The following FOXL1 variants were observed in gnomAD, a reference collection of about 807,000 sequenced individuals.
FOXL1 encodes forkhead box protein L1.
A neutral mutation model predicts 1.7 loss-of-function variants in FOXL1; 2 were observed. The ratio of observed to expected loss-of-function variants is 1.21; its 90% confidence interval spans 0.49 to 3.80. The LOEUF is 3.80. Among genes scored for constraint, FOXL1 ranks in the 30% most tolerant of loss-of-function variants. The pLI, the probability that FOXL1 is intolerant of heterozygous loss-of-function variation, is 0.07. For synonymous variants in FOXL1, 280 were observed against 229.3 expected, an observed-to-expected ratio of 1.22 and a Z score of -2.00; for missense variants, 565 against 495.8, an observed-to-expected ratio of 1.14 and a Z score of -1.32.
At position 86,579,225 on chromosome 16, in the gene FOXL1, G is replaced by T; in HGVS notation, c.502G>T (p.Ala168Ser). 1 of 1,541,390 alleles carries T rather than the reference G, an allele frequency of 6.5e-7. No homozygotes were observed. Among genetic ancestry groups the T allele is most frequent in the Non-Finnish European group, 8.7e-7 (1 of 1,146,446 alleles). ...CGAGACGCACCAGCGCAGCGCGGAG[G>T]CGCAGCCGGAGGCGGGGAGCGGGGC... ...RAETHQRSAEAQPEAGSGAGG... is the reference protein window; with the variant it reads ...RAETHQRSAESQPEAGSGAGG... Residue 168 changes from alanine to serine, a missense_variant, in exon 1 of 1, where the codon GCG (alanine) becomes TCG (serine). By Grantham distance (99) the Ala-to-Ser change is moderately conservative. Coordinates refer to ENST00000320241, the MANE Select transcript of FOXL1 (RefSeq NM_005250.3).
Position 86,582,953 on chromosome 16 carries a change from G to T in FOXL1, c.*3192G>T, listed in dbSNP as rs1297695599. ...ACATCGCGGAAGACACCCGCTTTGA[G>T]AACTTTTCCCTCCGTTCACAAGGAC... On this transcript the variant is annotated 3_prime_UTR_variant, in exon 1 of 1. Coordinates refer to ENST00000320241, the MANE Select transcript of FOXL1 (RefSeq NM_005250.3). Among the ~76,000 whole-genome samples the T allele has an allele frequency of 6.6e-6, 1 of 150,766 alleles. No individual in the cohort carries two copies.
At position 86,580,563 on chromosome 16, in the gene FOXL1, T is replaced by A. The variant is rs1400803078; in HGVS notation, c.*802T>A. 1 of 166,640 alleles carries A rather than the reference T, an allele frequency of 6.0e-6. No individual in the cohort carries two copies. The highest frequency in any genetic ancestry group is 1.5e-5 in the Non-Finnish European group (1 of 68,134). 10.3% of individuals were successfully genotyped at this position (166,640 alleles called of 1,614,324 possible). ...AAGAAAGTGCACTCTATATAACATCTTCTTGCATTACGATAGCTCATTAGC... is the reference window on the plus strand; with the variant it reads ...AAGAAAGTGCACTCTATATAACATCATCTTGCATTACGATAGCTCATTAGC... On this transcript the variant is annotated 3_prime_UTR_variant, in exon 1 of 1. Transcript: ENST00000320241.
At position 86,582,526 on chromosome 16, in the gene FOXL1, C is replaced by A. The variant is rs1033684825; in HGVS notation, c.*2765C>A. On this transcript the variant is annotated 3_prime_UTR_variant, in exon 1 of 1. Transcript: ENST00000320241. ...TTCAAGCCCTGATTACACACACACACAAACAAATACCCACACACATATGAG... is the reference window on the plus strand; with the variant it reads ...TTCAAGCCCTGATTACACACACACAAAAACAAATACCCACACACATATGAG... 6.6e-6 allele frequency among the ~76,000 whole-genome samples: 1 copy of A among 152,058 alleles called. No homozygotes were observed. The highest frequency in any genetic ancestry group is 1.5e-5 in the Non-Finnish European group (1 of 68,020).
rs769091297 is a variant in FOXL1 at position 86,578,962 on chromosome 16, T to C, written c.239T>C (p.Met80Thr). 1 of 1,614,180 alleles carries C rather than the reference T, an allele frequency of 6.2e-7. No individual in the cohort carries two copies. Residue 80 changes from methionine to threonine, a missense_variant, in exon 1 of 1, where the codon ATG (methionine) becomes ACG (threonine). Transcript: ENST00000320241. ...VTLNGIYQFIMDRFPFYHDNR... is the reference protein window; with the variant it reads ...VTLNGIYQFITDRFPFYHDNR... ...CTCAACGGCATCTACCAGTTCATCA[T>C]GGACCGCTTCCCCTTCTACCACGAC...
At position 86,581,838 on chromosome 16, in the gene FOXL1, A is replaced by G. The variant is rs567679954; in HGVS notation, c.*2077A>G. 1.2e-5 allele frequency: 2 copies of G among 162,204 alleles called. No homozygotes were observed. The highest frequency in any genetic ancestry group is 4.1e-4 in the South Asian group (2 of 4,822). The allele number at this position is 162,204 out of a possible 1,614,324, so 10.0% of individuals were successfully genotyped here. ...GGGGTAAACACACAGATGGAGGGGA[A>G]GGAGTGGAGAGGATGCCGGGCCCAG... is the stretch of plus-strand genomic sequence containing the variant. On this transcript the variant is annotated 3_prime_UTR_variant, in exon 1 of 1. Coordinates refer to ENST00000320241, the MANE Select transcript of FOXL1 (RefSeq NM_005250.3).
At position 86,579,143 on chromosome 16, in the gene FOXL1, C is replaced by T. The variant is rs1393095063; in HGVS notation, c.420C>T (p.Arg140=). Residue 140 remains arginine (R), a synonymous_variant, in exon 1 of 1, where the codon CGC becomes CGT. Transcript: ENST00000320241. ...TGTTTGAGAACGGCAACTACCGGCG[C>T]CGGAAGAGGAAGCCCAAGCCGGGCC... is the stretch of plus-strand genomic sequence containing the variant. The part of the protein sequence containing the change: ...LDMFENGNYR[R]RKRKPKPGPG... 6.2e-7 allele frequency: 1 copy of T among 1,613,224 alleles called. No homozygotes were observed. Among genetic ancestry groups the T allele is most frequent in the East Asian group, 2.2e-5 (1 of 44,842 alleles).
Position 86,579,023 on chromosome 16 carries a change from C to T in FOXL1, c.300C>T (p.Asn100=), listed in dbSNP as rs1231197193. Residue 100 remains asparagine, a synonymous_variant, in exon 1 of 1, where the codon AAC becomes AAT. Coordinates refer to ENST00000320241, the MANE Select transcript of FOXL1 (RefSeq NM_005250.3). ...RQGWQNSIRH[N]LSLNDCFVKV... ...GCTGGCAGAACAGCATCCGCCACAA[C>T]CTCTCGCTCAACGACTGCTTCGTCA... 1.9e-6 allele frequency: 3 copies of T among 1,614,024 alleles called. No homozygotes were observed. Among genetic ancestry groups the T allele is most frequent in the African/African-American group, 1.3e-5 (1 of 74,938 alleles).
chr16:86,580,976 A>G lies in FOXL1; in HGVS notation c.*1215A>G, dbSNP rs1469299533. 6.0e-6 allele frequency: 1 copy of G among 166,530 alleles called. No individual in the cohort carries two copies. The highest frequency in any genetic ancestry group is 1.5e-5 in the Non-Finnish European group (1 of 68,050). The allele number at this position is 166,530 out of a possible 1,614,324, so 10.3% of individuals were successfully genotyped here. A position where few individuals can be genotyped will look rare whatever the true frequency, so the allele number is the denominator to read the frequency against. On this transcript the variant is annotated 3_prime_UTR_variant, in exon 1 of 1. Coordinates refer to ENST00000320241, the MANE Select transcript of FOXL1 (RefSeq NM_005250.3). ...TCTCCCAGACACTCCTGGCCCCCGC[A>G]CCCCCTGCAGCCGCCCGCTCTTCCC...
At position 86,579,068 on chromosome 16, in the gene FOXL1, G is replaced by T. The variant is rs371951781; in HGVS notation, c.345G>T (p.Gly115=). 66 of 1,613,988 alleles carry T rather than the reference G, an allele frequency of 4.1e-5. No individual in the cohort carries two copies. Among genetic ancestry groups the T allele is most frequent in the Non-Finnish European group, 5.2e-5 (61 of 1,179,982 alleles). The change falls in exon 1 of 1, where the codon GGG becomes GGT. Residue 115 remains glycine, a synonymous_variant. Transcript: ENST00000320241. ...DCFVKVPREK[G]RPGKGSYWTL... ...TCGTCAAGGTGCCCCGCGAGAAAGG[G>T]CGGCCGGGCAAGGGCAGCTACTGGA...
In FOXL1 at chr16:86,581,502, G is replaced by A. The variant is rs1421591163; in HGVS notation, c.*1741G>A. ...TGCTGAACCAGGCTTCCACGACTGG[G>A]TTCTACCCAGGCCAGTGGGAAGACT... On this transcript the variant is annotated 3_prime_UTR_variant, in exon 1 of 1. Transcript: ENST00000320241. 6.0e-6 allele frequency: 1 copy of A among 167,074 alleles called. No homozygotes were observed. The highest frequency in any genetic ancestry group is 1.5e-5 in the Non-Finnish European group (1 of 68,118). 10.3% of individuals were successfully genotyped at this position (167,074 alleles called of 1,614,324 possible).
At position 86,578,735 on chromosome 16, in the gene FOXL1, C is replaced by G; in HGVS notation, c.12C>G (p.Leu4=). The change falls in exon 1 of 1, where the codon CTC becomes CTG. Residue 4 remains leucine (L), a synonymous_variant. Coordinates refer to ENST00000320241, the MANE Select transcript of FOXL1 (RefSeq NM_005250.3). ...GGCTCTCGCTTGCCATGAGTCACCT[C>G]TTCGATCCCCGGCTGCCTGCCCTGG... MSH[L]FDPRLPALAA... The G allele has an allele frequency of 6.2e-7, 1 of 1,604,062 alleles. No homozygotes were observed. Among genetic ancestry groups the G allele is most frequent in the Non-Finnish European group, 8.5e-7 (1 of 1,173,058 alleles).
rs565892269 is a variant in FOXL1 at position 86,582,751 on chromosome 16, C to G, written c.*2990C>G. On this transcript the variant is annotated 3_prime_UTR_variant, in exon 1 of 1. Transcript: ENST00000320241. ...TGAGACTCAGATCAAGTACTGAGTC[C>G]TTTCACTTTAACCCAAGTATTGATA... is the stretch of plus-strand genomic sequence containing the variant. Among the ~76,000 whole-genome samples the G allele has an allele frequency of 5.3e-5, 8 of 151,982 alleles. No homozygotes were observed. The highest frequency in any genetic ancestry group is 1.4e-4 in the African/African-American group (6 of 41,446).
rs1321208382 is a variant in FOXL1, at chr16:86,582,304, C to T, written c.*2543C>T. ...CAATCCGAATAGCTGTTCTATTGAT[C>T]CATATTTAATCGTTGGCTCAAAATT... On this transcript the variant is annotated 3_prime_UTR_variant, in exon 1 of 1. Coordinates refer to ENST00000320241, the MANE Select transcript of FOXL1 (RefSeq NM_005250.3). 2.6e-5 allele frequency: 4 copies of T among 152,154 alleles called. No individual in the cohort carries two copies. Among genetic ancestry groups the T allele is most frequent in the Non-Finnish European group, 4.4e-5 (3 of 68,030 alleles). 9.4% of individuals were successfully genotyped at this position (152,154 alleles called of 1,614,324 possible).
At position 86,579,897 on chromosome 16, in the gene FOXL1, C is replaced by T. The variant is rs1001885922; in HGVS notation, c.*136C>T. 5 of 895,838 alleles carry T rather than the reference C, an allele frequency of 5.6e-6. No individual in the cohort carries two copies. The highest frequency in any genetic ancestry group is 1.8e-5 in the South Asian group (1 of 56,374). The allele number at this position is 895,838 out of a possible 1,614,324, so 55.5% of individuals were successfully genotyped here. A position where few individuals can be genotyped will look rare whatever the true frequency, so the allele number is the denominator to read the frequency against. On this transcript the variant is annotated 3_prime_UTR_variant, in exon 1 of 1. Coordinates refer to ENST00000320241, the MANE Select transcript of FOXL1 (RefSeq NM_005250.3). ...TGTGGGTTCAGGGAAGTGTTACCAACCATTGCGCGCAGGTGGGCGCGCTCG... is the reference window on the plus strand; with the variant it reads ...TGTGGGTTCAGGGAAGTGTTACCAATCATTGCGCGCAGGTGGGCGCGCTCG...
chr16:86,579,862 T>G lies in FOXL1; in HGVS notation c.*101T>G. ...GGAGGATTTTAAAATGATCTTTGCCTGGGTCGGCCTGTGGGTTCAGGGAAG... is the reference window on the plus strand; with the variant it reads ...GGAGGATTTTAAAATGATCTTTGCCGGGGTCGGCCTGTGGGTTCAGGGAAG... On this transcript the variant is annotated 3_prime_UTR_variant, in exon 1 of 1. Coordinates refer to ENST00000320241, the MANE Select transcript of FOXL1 (RefSeq NM_005250.3). 1 of 1,187,820 alleles carries G rather than the reference T, an allele frequency of 8.4e-7. No homozygotes were observed. 73.6% of individuals were successfully genotyped at this position (1,187,820 alleles called of 1,614,324 possible). A position where few individuals can be genotyped will look rare whatever the true frequency, so the allele number is the denominator to read the frequency against.
In FOXL1 at chr16:86,583,462, C is replaced by T. The variant is rs1045007164; in HGVS notation, c.*3701C>T. On this transcript the variant is annotated 3_prime_UTR_variant, in exon 1 of 1. Coordinates refer to ENST00000320241, the MANE Select transcript of FOXL1 (RefSeq NM_005250.3). ...AAGTTTGTCCATTAAAAATAAAAAG[C>T]GTGAGTTTGTGGAAAAGTAAGATTC... Among the ~76,000 whole-genome samples the T allele has an allele frequency of 1.3e-5, 2 of 152,146 alleles. No individual in the cohort carries two copies. The highest frequency in any genetic ancestry group is 6.5e-5 in the Admixed American group (1 of 15,284).
Position 86,579,183 on chromosome 16 carries a change from G to A in FOXL1, c.460G>A (p.Ala154Thr). ...KPKPGPGAPE[A>T]KRPRAETHQR... The stretch of plus-strand genomic sequence containing the variant: ...CAAGCCGGGCCCCGGGGCCCCGGAG[G>A]CCAAGAGGCCCCGCGCCGAGACGCA... Residue 154 changes from alanine to threonine, a missense_variant, in exon 1 of 1, where the codon GCC becomes ACC. Physicochemically the swap from Ala to Thr is moderately conservative, Grantham distance 58 (BLOSUM62 0). Transcript: ENST00000320241. 2 of 1,602,558 alleles carry A rather than the reference G, an allele frequency of 1.2e-6. No individual in the cohort carries two copies. The highest frequency in any genetic ancestry group is 1.7e-6 in the Non-Finnish European group (2 of 1,175,334).
Position 86,578,612 on chromosome 16 carries a change from G to C in FOXL1, c.-112G>C. 1.2e-6 allele frequency: 1 copy of C among 858,074 alleles called. No individual in the cohort carries two copies. The highest frequency in any genetic ancestry group is 1.8e-6 in the Non-Finnish European group (1 of 562,212). The allele number at this position is 858,074 out of a possible 1,614,324, so 53.2% of individuals were successfully genotyped here. ...GCGGCCGGGGAGAGCGGCAGAGCCA[G>C]AGGCAGAGGCACGGCTGGCTCCCCG... On this transcript the variant is annotated 5_prime_UTR_variant, in exon 1 of 1. Coordinates refer to ENST00000320241, the MANE Select transcript of FOXL1 (RefSeq NM_005250.3).
Position 86,579,176 on chromosome 16 carries a change from C to T in FOXL1, c.453C>T (p.Ala151=). 3 of 1,606,394 alleles carry T rather than the reference C, an allele frequency of 1.9e-6. No homozygotes were observed. The highest frequency in any genetic ancestry group is 2.5e-6 in the Non-Finnish European group (3 of 1,177,096). The stretch of plus-strand genomic sequence containing the variant: ...GGAAGCCCAAGCCGGGCCCCGGGGC[C>T]CCGGAGGCCAAGAGGCCCCGCGCCG... ...RKRKPKPGPG[A]PEAKRPRAET... Residue 151 remains alanine, a synonymous_variant, in exon 1 of 1, where the codon GCC becomes GCT. Coordinates refer to ENST00000320241, the MANE Select transcript of FOXL1 (RefSeq NM_005250.3).
Sources: gnomAD v4.1 joint callset for allele counts (sites outside exome capture counted in the v4.1 genomes callset) on GRCh38, gnomAD v4.1.1 for gene constraint, MANE v1.5 for transcripts, NCBI Gene and HGNC (gene_info 2026-07-23, HGNC 2026-07-21) for gene names.